Variants in CACNA1B observed in about 807,000 individuals in gnomAD.
The protein encoded by CACNA1B is voltage-dependent N-type calcium channel subunit alpha-1B.
In CACNA1B, 70 loss-of-function variants were observed where a neutral mutation model predicts 247.2. That is an observed-to-expected ratio of 0.28 (90% CI 0.23 to 0.35). The LOEUF is 0.35. Ranked by LOEUF, CACNA1B falls within the 10% of genes least tolerant of loss-of-function variation. The probability of loss-of-function intolerance (pLI) is 1.00; values close to 1 mark genes in which losing one functional copy is unlikely to be tolerated. For synonymous variants in CACNA1B, 1,231 were observed against 1,294.4 expected (o/e 0.95, Z 1.05); for missense variants, 2,367 against 3,197.4 (o/e 0.74, Z 6.26).
In CACNA1B at chr9:138,011,263, G is replaced by A. The variant is rs987271639; in HGVS notation, c.2160+1186G>A. On this transcript the variant is annotated intron_variant, in intron 17 of 46. Coordinates refer to ENST00000371372, the MANE Select transcript of CACNA1B (RefSeq NM_000718.4). This position sits in a 1 kb window ranked among gnomAD's most constrained non-coding sequence, Gnocchi z 4.2. ...TGTCCTGGGTGGGCTGCACTGGAGC[G>A]CTGGGGCCCCACTGTCTCTTTAAGT... Among the ~76,000 whole-genome samples, 3 of 152,190 alleles carry A rather than the reference G, an allele frequency of 2.0e-5. No homozygotes were observed. The highest frequency in any genetic ancestry group is 4.4e-5 in the Non-Finnish European group (3 of 68,030).
In CACNA1B at chr9:137,913,393, C is replaced by G; in HGVS notation, c.622+122C>G. On this transcript the variant is annotated intron_variant, in intron 4 of 46. Transcript: ENST00000371372. This position sits in a 1 kb window ranked among gnomAD's most constrained non-coding sequence, Gnocchi z 5.2. ...TGACTCTGAGCTTGCCACTTTTGAC[C>G]CCAGGGAACCAGGCAGGAGGAAGGG... 1.4e-6 allele frequency: 1 copy of G among 709,710 alleles called. No homozygotes were observed. Among genetic ancestry groups the G allele is most frequent in the Non-Finnish European group, 2.4e-6 (1 of 421,930 alleles). 44.0% of individuals were successfully genotyped at this position (709,710 alleles called of 1,614,324 possible).
At chr9:138,115,102 A>G (rs1961807765) in intron 41 of CACNA1B, among the ~76,000 whole-genome samples, 1 of 152,216 alleles carries the variant, frequency 6.6e-6, no homozygotes, top group Non-Finnish European at 1.5e-5. Context: ...CACCTGGGGT[A>G]GACATCACTA....
chr9:138,082,030 C>G (rs1252903355), intron 36 of CACNA1B, among the ~76,000 whole-genome samples: 4 of 151,080 alleles, frequency 2.6e-5, no homozygotes, highest in Non-Finnish European at 4.4e-5. Context: ...AATGTAAGAG[C>G]TATAACTATA....
rs1292349854 is a variant in CACNA1B at position 137,914,327 on chromosome 9, C to T, written c.623-327C>T. Reference sequence around the variant, plus strand: ...CTTTCCTCTCAGGATTCTCTGTTGCCCCACCCTGAGCCCCACTCCCCACCC... The same window carrying T: ...CTTTCCTCTCAGGATTCTCTGTTGCTCCACCCTGAGCCCCACTCCCCACCC... On this transcript the variant is annotated intron_variant, in intron 4 of 46. Transcript: ENST00000371372. This position sits in a 1 kb window ranked among gnomAD's most constrained non-coding sequence, Gnocchi z 4.3. 6.6e-6 allele frequency among the ~76,000 whole-genome samples: 1 copy of T among 152,000 alleles called. No homozygotes were observed. Among genetic ancestry groups the T allele is most frequent in the Non-Finnish European group, 1.5e-5 (1 of 68,004 alleles).
rs368450405 is a variant in CACNA1B at position 138,006,811 on chromosome 9, C to T, written c.2019C>T (p.Ile673=). ...GGAATGCAGTGATGTATCACGGGATCGAATCGCAAGGCGGCGTCAGCAAAG... is the reference window on the plus strand; with the variant it reads ...GGAATGCAGTGATGTATCACGGGATTGAATCGCAAGGCGGCGTCAGCAAAG... ...EDWNAVMYHG[I]ESQGGVSKGM... Residue 673 remains isoleucine (I), a synonymous_variant, in exon 16 of 47, where the codon ATC becomes ATT. Transcript: ENST00000371372. 6.8e-6 allele frequency: 11 copies of T among 1,611,198 alleles called. No homozygotes were observed. The highest frequency in any genetic ancestry group is 4.0e-5 in the African/African-American group (3 of 74,860).
chr9:137,978,938 G>A (rs908497162), intron 12 of CACNA1B, among the ~76,000 whole-genome samples: 17 of 152,292 alleles, frequency 1.1e-4, no homozygotes, highest in Middle Eastern at 3.4e-3. Flanking sequence ...TGTGATTTCA[G>A]TAGACAGTGG....
At chr9:138,080,223 G>A (rs1207942942) in intron 36 of CACNA1B, among the ~76,000 whole-genome samples, 1 of 152,220 alleles carries the variant, frequency 6.6e-6, no homozygotes, top group Non-Finnish European at 1.5e-5. Context: ...GTGTATAAGA[G>A]TGTGGTTATT....
At chr9:138,024,379 T>C (rs896979350) in intron 19 of CACNA1B, among the ~76,000 whole-genome samples, 5 of 152,120 alleles carry the variant, frequency 3.3e-5, no homozygotes, top group African/African-American at 1.2e-4. Context: ...AGTCGCCAGG[T>C]ACCCACTGGC....
Position 137,917,709 on chromosome 9 carries a change from A to T in CACNA1B, c.966+278A>T, listed in dbSNP as rs919594086. ...GAAGGCTGACTGGTGGAGGTCAGAG[A>T]AGAAAACTCCAGAGGAGATGCTGCT... On this transcript the variant is annotated intron_variant, in intron 6 of 46. Coordinates refer to ENST00000371372, the MANE Select transcript of CACNA1B (RefSeq NM_000718.4). The surrounding 1 kb of genome is among the most constrained non-coding windows in gnomAD (Gnocchi z 5.5). Among the ~76,000 whole-genome samples, 1 of 152,216 alleles carries T rather than the reference A, an allele frequency of 6.6e-6. No homozygotes were observed. Among genetic ancestry groups the T allele is most frequent in the African/African-American group, 2.4e-5 (1 of 41,460 alleles).
In CACNA1B at chr9:138,059,361, A is replaced by G. The variant is rs1959634131; in HGVS notation, c.4584+172A>G. ...GGGCTGTTCTGAGACTCTTGGCTAC[A>G]TAAGCTCTGCCCCCAGCCTAGGTCC... On this transcript the variant is annotated intron_variant, in intron 30 of 46. Transcript: ENST00000371372. The surrounding 1 kb of genome is among the most constrained non-coding windows in gnomAD (Gnocchi z 4.2). Among the ~76,000 whole-genome samples, 1 of 152,146 alleles carries G rather than the reference A, an allele frequency of 6.6e-6. No individual in the cohort carries two copies.
At chr9:138,009,973 G>T (rs569752344) in intron 16 of CACNA1B, 37 bp from the exon 17 acceptor site, 1 of 1,557,570 alleles carries the variant, frequency 6.4e-7, no homozygotes, top group African/African-American at 1.4e-5. Flanking sequence ...GGGGCCATGT[G>T]GGGCAGAGGT....
intron 15 of CACNA1B, among the ~76,000 whole-genome samples, chr9:137,987,332 G>A (rs577282662): frequency 4.7e-4 from 71 of 152,274 alleles, no homozygotes; most frequent in African/African-American, 1.7e-3. Context: ...ACTTCTCTAC[G>A]ACGGAGACCT....
chr9:137,940,461 T>A (rs942088311), intron 6 of CACNA1B, among the ~76,000 whole-genome samples: 1 of 152,200 alleles, frequency 6.6e-6, no homozygotes, highest in African/African-American at 2.4e-5. Flanking sequence ...CAGGACTAGA[T>A]GGATTCACAG....
intron 3 of CACNA1B, among the ~76,000 whole-genome samples, chr9:137,893,416 T>C (rs1271766946): frequency 1.3e-5 from 2 of 150,074 alleles, no homozygotes; most frequent in African/African-American, 2.4e-5. Context: ...TTTGGGAGGC[T>C]GAGGTGGGCA....
rs959815738 is a variant in CACNA1B at position 138,050,848 on chromosome 9, G to A, written c.3711-1244G>A. The stretch of plus-strand genomic sequence containing the variant: ...GGCTGGGTTCTTCCCACCTGGAAGC[G>A]TTTCAGGGGGAGTTTGATCTGATTC... On this transcript the variant is annotated intron_variant, in intron 24 of 46. Transcript: ENST00000371372. The surrounding 1 kb of genome is among the most constrained non-coding windows in gnomAD (Gnocchi z 5.2). 3.9e-5 allele frequency among the ~76,000 whole-genome samples: 6 copies of A among 152,196 alleles called. No individual in the cohort carries two copies. The highest frequency in any genetic ancestry group is 9.6e-5 in the African/African-American group (4 of 41,456).
chr9:137,947,601 A>G (rs1957811757), intron 6 of CACNA1B, among the ~76,000 whole-genome samples: 1 of 151,472 alleles, frequency 6.6e-6, no homozygotes, highest in Non-Finnish European at 1.5e-5. Context: ...GAGACCTTTC[A>G]TTATTCATTT....
intron 3 of CACNA1B, among the ~76,000 whole-genome samples, chr9:137,893,446 C>G (rs182420828): frequency 6.7e-6 from 1 of 149,632 alleles, no homozygotes; most frequent in African/African-American, 2.4e-5. Context: ...GTCAGGAGTT[C>G]GAGACCAGCC....
chr9:137,884,852 C>T (rs1488610086), intron 3 of CACNA1B, among the ~76,000 whole-genome samples: 3 of 150,824 alleles, frequency 2.0e-5, no homozygotes, highest in Admixed American at 1.3e-4. Flanking sequence ...AGACTGGGTC[C>T]AGGGCTGCTC....
rs1344539320 is a variant in CACNA1B at position 138,100,275 on chromosome 9, A to C, written c.5223-2436A>C. ...CTGCAAGGAAGGCTGAGACCGTTTGAGAAAGGCATTGAAATTGGTTGAACA... is the reference window on the plus strand; with the variant it reads ...CTGCAAGGAAGGCTGAGACCGTTTGCGAAAGGCATTGAAATTGGTTGAACA... On this transcript the variant is annotated intron_variant, in intron 37 of 46. Transcript: ENST00000371372. The surrounding 1 kb of genome is among the most constrained non-coding windows in gnomAD (Gnocchi z 4.6). 6.6e-6 allele frequency among the ~76,000 whole-genome samples: 1 copy of C among 152,192 alleles called. No individual in the cohort carries two copies. The highest frequency in any genetic ancestry group is 2.4e-5 in the African/African-American group (1 of 41,438).
Sources: allele counts gnomAD v4.1 joint callset (sites outside exome capture counted in the v4.1 genomes callset), GRCh38; gene constraint gnomAD v4.1.1; non-coding constraint Gnocchi (gnomAD v3.1); transcripts MANE v1.5; gene names NCBI Gene and HGNC (gene_info 2026-07-23, HGNC 2026-07-21).